SLC26A2: variants seen among roughly 807,000 people sequenced by gnomAD.
The protein encoded by SLC26A2 is sulfate transporter.
Under a neutral mutation model 41.1 loss-of-function variants are expected in SLC26A2, and 36 were observed. The ratio of observed to expected loss-of-function variants is 0.88; its 90% confidence interval spans 0.67 to 1.16. The LOEUF is 1.16. Among genes scored for constraint, SLC26A2 ranks in the 50% most tolerant of loss-of-function variants. SLC26A2 has a pLI of 0.00. For missense variants in SLC26A2, 796 were observed against 869.6 expected (o/e 0.92, Z 1.07); for synonymous variants, 291 against 311.6 (o/e 0.93, Z 0.70).
chr5:149,986,559 A>T lies in SLC26A2; in HGVS notation c.*4746A>T, dbSNP rs1176873453. ...ATAAGGACTTAAAAAAAAGTTTTGCAACTGAAATTTTAAAGTAAACATGTT... is the reference window on the plus strand; with the variant it reads ...ATAAGGACTTAAAAAAAAGTTTTGCTACTGAAATTTTAAAGTAAACATGTT... On this transcript the variant is annotated 3_prime_UTR_variant, in exon 3 of 3. Transcript: ENST00000286298. 1 of 152,210 alleles carries T rather than the reference A, an allele frequency of 6.6e-6. No homozygotes were observed. Among genetic ancestry groups the T allele is most frequent in the South Asian group, 2.1e-4 (1 of 4,830 alleles). The allele number at this position is 152,210 out of a possible 1,614,324, so 9.4% of individuals were successfully genotyped here.
At chr5:149,977,178 C>T (rs943460450) in intron 1 of SLC26A2, among the ~76,000 whole-genome samples, 17 of 152,158 alleles carry the variant, frequency 1.1e-4, no homozygotes, top group African/African-American at 4.1e-4. Flanking sequence ...TTCCTTGTTT[C>T]AGGGACTGGT....
intron 1 of SLC26A2, among the ~76,000 whole-genome samples, chr5:149,976,584 T>C (rs1033391804): frequency 6.6e-6 from 1 of 152,246 alleles, no homozygotes; most frequent in African/African-American, 2.4e-5. Flanking sequence ...GTTCTATTCC[T>C]TTGAGAGCCT....
At chr5:149,969,340 C>G (rs1276341993) in intron 1 of SLC26A2, among the ~76,000 whole-genome samples, 4 of 152,188 alleles carry the variant, frequency 2.6e-5, no homozygotes, top group Non-Finnish European at 4.4e-5. Flanking sequence ...AGACCTTTCA[C>G]TCTGCCCCAT....
At chr5:149,969,192 C>T (rs1371920401) in intron 1 of SLC26A2, among the ~76,000 whole-genome samples, 3 of 152,138 alleles carry the variant, frequency 2.0e-5, no homozygotes, top group African/African-American at 4.8e-5. Flanking sequence ...GTGCCTAATT[C>T]TATGCTAGGT....
intron 1 of SLC26A2, among the ~76,000 whole-genome samples, chr5:149,965,312 T>C (rs577452074): frequency 1.3e-5 from 2 of 151,996 alleles, no homozygotes; most frequent in Admixed American, 1.3e-4. Flanking sequence ...AAACCCTGTC[T>C]CTACTAAAAA....
At chr5:149,975,327 TAC>T in intron 1 of SLC26A2, among the ~76,000 whole-genome samples, 1 of 152,358 alleles carries the variant, frequency 6.6e-6, no homozygotes, top group South Asian at 2.1e-4. Flanking sequence ...GATTTTTTCT[TAC>T]AGTTTCCATT....
intron 1 of SLC26A2, among the ~76,000 whole-genome samples, chr5:149,970,726 GGT>G (rs1754886938): frequency 6.6e-6 from 1 of 152,158 alleles, no homozygotes; most frequent in South Asian, 2.1e-4. Context: ...GAGTATTCCA[GGT>G]GAGAGAGGAT....
Position 149,980,669 on chromosome 5 carries a change from G to A in SLC26A2, c.1076G>A (p.Ser359Asn). The A allele has an allele frequency of 4.3e-6, 7 of 1,614,046 alleles. No homozygotes were observed. The South Asian group carries it at 5.5e-5, about 13-fold the overall frequency. ...FGKLHENYNSSIAGHIPTGFM... is the reference protein window; with the variant it reads ...FGKLHENYNSNIAGHIPTGFM... ...AAACTACATGAAAATTATAATTCTA[G>A]TATTGCTGGACATATTCCCACTGGG... Residue 359 changes from serine to asparagine, a missense_variant, in exon 3 of 3, where the codon AGT becomes AAT. Coordinates refer to ENST00000286298, the MANE Select transcript of SLC26A2 (RefSeq NM_000112.4).
At chr5:149,964,367 C>T (rs1754767318) in intron 1 of SLC26A2, among the ~76,000 whole-genome samples, 1 of 152,128 alleles carries the variant, frequency 6.6e-6, no homozygotes, top group Non-Finnish European at 1.5e-5. Context: ...GTGGCGTGCA[C>T]TTGTGATCCC....
intron 1 of SLC26A2, among the ~76,000 whole-genome samples, chr5:149,968,966 T>C (rs1006916227): frequency 2.3e-4 from 35 of 151,216 alleles, no homozygotes; most frequent in African/African-American, 8.3e-4. Flanking sequence ...GGTCTCGAAC[T>C]CCTGACCTCA....
chr5:149,978,080 C>T lies in SLC26A2; in HGVS notation c.428C>T (p.Thr143Ile). The T allele has an allele frequency of 6.2e-7, 1 of 1,604,870 alleles. No individual in the cohort carries two copies. The highest frequency in any genetic ancestry group is 8.5e-7 in the Non-Finnish European group (1 of 1,174,968). Residue 143 changes from threonine to isoleucine, a missense_variant, in exon 2 of 3, where the codon ACA becomes ATA. Physicochemically the swap from Thr to Ile is moderately conservative, Grantham distance 89. Transcript: ENST00000286298. ...CAAGAACCTGTCTATGGTCTGTACA[C>T]ATCTTTTTTTGCCAGCATCATTTAT... ...AGQEPVYGLY[T>I]SFFASIIYFL...
Position 149,978,360 on chromosome 5 carries a change from C to A in SLC26A2, c.699+9C>A, listed in dbSNP as rs1561820028. ...TAGCTGGAGTTTATCAGGTAAGCAG[C>A]AATGAAACAATTGGTTATTTCTAGA... On this transcript the variant is annotated intron_variant, in intron 2 of 2. Coordinates refer to ENST00000286298, the MANE Select transcript of SLC26A2 (RefSeq NM_000112.4). 1 of 1,593,728 alleles carries A rather than the reference C, an allele frequency of 6.3e-7. No individual in the cohort carries two copies. Among genetic ancestry groups the A allele is most frequent in the Admixed American group, 1.7e-5 (1 of 59,998 alleles).
intron 1 of SLC26A2, among the ~76,000 whole-genome samples, chr5:149,968,371 A>G (rs777475930): frequency 6.6e-5 from 10 of 151,862 alleles, no homozygotes; most frequent in Non-Finnish European, 1.3e-4. Context: ...TTACATTTCT[A>G]CCAGCAATGT....
Position 149,985,038 on chromosome 5 carries a change from T to C in SLC26A2, c.*3225T>C, listed in dbSNP as rs144502932. ...GGAGGCAGAAAAGAGAGGAACCCAGTTGAATAGGATCCAATCCCTGGTTAG... is the reference window on the plus strand; with the variant it reads ...GGAGGCAGAAAAGAGAGGAACCCAGCTGAATAGGATCCAATCCCTGGTTAG... On this transcript the variant is annotated 3_prime_UTR_variant, in exon 3 of 3. Transcript: ENST00000286298. 5.8e-4 allele frequency: 88 copies of C among 152,306 alleles called. No homozygotes were observed. Among genetic ancestry groups the C allele is most frequent in the African/African-American group, 2.0e-3 (84 of 41,564 alleles). 9.4% of individuals were successfully genotyped at this position (152,306 alleles called of 1,614,324 possible).
chr5:149,986,037 AT>A lies in SLC26A2; in HGVS notation c.*4225del, dbSNP rs1755192051. 1 of 152,134 alleles carries A rather than the reference AT, an allele frequency of 6.6e-6. No individual in the cohort carries two copies. Among genetic ancestry groups the A allele is most frequent in the Admixed American group, 6.5e-5 (1 of 15,272 alleles). 9.4% of individuals were successfully genotyped at this position (152,134 alleles called of 1,614,324 possible). On this transcript the variant is annotated 3_prime_UTR_variant, in exon 3 of 3. Coordinates refer to ENST00000286298, the MANE Select transcript of SLC26A2 (RefSeq NM_000112.4). ...AGTTTTTCTGCTTTTTAATGTTTCT[AT>A]CCCCCATCTCAGTGTTTTCTTTATC...
At chr5:149,974,016 G>A (rs184722989) in intron 1 of SLC26A2, among the ~76,000 whole-genome samples, 15 of 152,192 alleles carry the variant, frequency 9.9e-5, no homozygotes, top group Admixed American at 2.0e-4. Flanking sequence ...AGGCTTGGTC[G>A]TGCACACCTG....
intron 1 of SLC26A2, among the ~76,000 whole-genome samples, chr5:149,963,290 C>CT (rs961894141): frequency 1.1e-4 from 14 of 125,786 alleles, no homozygotes; most frequent in Non-Finnish European, 2.4e-4. Context: ...TTTTTTTTTT[C>CT]TTTTTTTGAG....
chr5:149,961,172 A>C (rs555833443), intron 1 of SLC26A2, among the ~76,000 whole-genome samples, 193 bp downstream of exon 1: 3 of 152,212 alleles, frequency 2.0e-5, no homozygotes, highest in Admixed American at 6.5e-5. Context: ...GTGGCACTGC[A>C]CCCTGGTGAT....
intron 1 of SLC26A2, 21 bp from the exon 2 acceptor site, chr5:149,977,607 C>G: frequency 2.5e-6 from 3 of 1,180,014 alleles, no homozygotes; most frequent in Non-Finnish European, 3.8e-6. Flanking sequence ...TTGATGAACA[C>G]TGGTATTTTC....
Sources: allele counts gnomAD v4.1 joint callset (sites outside exome capture counted in the v4.1 genomes callset), GRCh38; gene constraint gnomAD v4.1.1; transcripts MANE v1.5; gene names NCBI Gene and HGNC (gene_info 2026-07-23, HGNC 2026-07-21).